The following CHRNB3 variants were observed in gnomAD, a reference collection of about 807,000 sequenced individuals.
The protein encoded by CHRNB3 is neuronal acetylcholine receptor subunit beta-3.
In CHRNB3, 37 loss-of-function variants were observed where a neutral mutation model predicts 40.6. That is an observed-to-expected ratio of 0.91 (90% CI 0.70 to 1.20). The LOEUF (loss-of-function observed/expected upper bound fraction) is 1.20. Ranked by LOEUF, CHRNB3 falls within the 50% of genes most tolerant of loss-of-function variation. The pLI, the probability that CHRNB3 is intolerant of heterozygous loss-of-function variation, is 0.00. For missense variants in CHRNB3, 505 were observed against 551.2 expected (o/e 0.92, Z 0.84); for synonymous variants, 207 against 207.1 (o/e 1.00, Z 0.00).
chr8:42,711,606 GCTGGCCTCAAACTC>G (rs1430859632), intron 3 of CHRNB3, among the ~76,000 whole-genome samples: 4 of 151,930 alleles, frequency 2.6e-5, no homozygotes, highest in Non-Finnish European at 5.9e-5. Context: ...TGTTGGCCAG[GCTGGCCTCAAACTC>G]CTGGCCTCAA....
intron 1 of CHRNB3, chr8:42,704,430 T>G (rs966095208): frequency 6.6e-6 from 1 of 152,234 alleles, no homozygotes; most frequent in Admixed American, 6.5e-5. Flanking sequence ...TTGCTGCCCC[T>G]GGATCTTGGT....
chr8:42,726,299 G>A, intron 3 of CHRNB3: 2 of 579,568 alleles, frequency 3.5e-6, no homozygotes, highest in Non-Finnish European at 3.0e-6. Flanking sequence ...ATTCAGATTG[G>A]AAAGGAAGAA....
At chr8:42,703,500 T>G (rs6991791) in intron 1 of CHRNB3, among the ~76,000 whole-genome samples, 151 of 141,528 alleles carry the variant, frequency 1.1e-3, no homozygotes, top group African/African-American at 3.5e-3. Flanking sequence ...TGAGAAAAAA[T>G]TCTTGGTTTT....
Position 42,717,267 on chromosome 8 carries a change from G to C in CHRNB3, c.249+6833G>C, listed in dbSNP as rs1017189048. Among the ~76,000 whole-genome samples the C allele has an allele frequency of 1.4e-4, 19 of 136,826 alleles. No individual in the cohort carries two copies. The South Asian group carries it at 4.6e-3, about 33-fold the overall frequency. The allele number at this position is 136,826 out of a possible 152,430, so 89.8% of individuals were successfully genotyped here. A position where few individuals can be genotyped will look rare whatever the true frequency, so the allele number is the denominator to read the frequency against. ...CGGGCGCCTGTAGTCCCAGCTACTTGGGAGGCTGAGGCAGGAGAATGGCGT... is the reference window on the plus strand; with the variant it reads ...CGGGCGCCTGTAGTCCCAGCTACTTCGGAGGCTGAGGCAGGAGAATGGCGT... On this transcript the variant is annotated intron_variant, in intron 3 of 5. Coordinates refer to ENST00000289957, the MANE Select transcript of CHRNB3 (RefSeq NM_000749.5).
Position 42,731,683 on chromosome 8 carries a change from G to T in CHRNB3, c.376G>T (p.Glu126Ter). The change falls in exon 5 of 6, where the codon GAA becomes TAA. Residue 126 changes from glutamate (E) to a stop codon, truncating the protein, a stop_gained. Coordinates refer to ENST00000289957, the MANE Select transcript of CHRNB3 (RefSeq NM_000749.5). LOFTEE classifies it high-confidence loss of function. ...TGATTGCAGTGCTGACGGCCGCTTC[G>T]AAGGCTCCCTGATGACCAAGGTCAT... The part of the protein sequence containing the change: ...VLFENADGRF[E>*]GSLMTKVIVK... 2 of 1,608,452 alleles carry T rather than the reference G, an allele frequency of 1.2e-6. No individual in the cohort carries two copies. The highest frequency in any genetic ancestry group is 1.7e-6 in the Non-Finnish European group (2 of 1,176,924).
intron 3 of CHRNB3, among the ~76,000 whole-genome samples, chr8:42,719,501 G>T (rs1816181330): frequency 6.6e-6 from 1 of 152,142 alleles, no homozygotes; most frequent in Admixed American, 6.5e-5. Context: ...AGAAAAATTA[G>T]CCAGGCATGG....
intron 5 of CHRNB3, among the ~76,000 whole-genome samples, chr8:42,734,259 C>CAAAAAAAAAA (rs769371275): frequency 4.2e-5 from 1 of 23,968 alleles, no homozygotes; most frequent in Non-Finnish European, 8.7e-5. Context: ...GACTCCATCT[C>CAAAAAAAAAA]AAAAAAAAAA....
chr8:42,728,837 A>G (rs927871352), intron 3 of CHRNB3, among the ~76,000 whole-genome samples: 7 of 152,162 alleles, frequency 4.6e-5, no homozygotes, highest in Non-Finnish European at 1.0e-4. Context: ...TATTGTAAGT[A>G]AATTTTTACG....
Position 42,703,811 on chromosome 8 carries a change from T to C in CHRNB3, c.53-4906T>C, listed in dbSNP as rs1361988385. ...TTATGGAGGCCCTGGTCTCAAAGGA[T>C]CAACTGTGAGAAGCACTTGGCCTTT... On this transcript the variant is annotated intron_variant, in intron 1 of 5. Coordinates refer to ENST00000289957, the MANE Select transcript of CHRNB3 (RefSeq NM_000749.5). Among the ~76,000 whole-genome samples, 3 of 152,130 alleles carry C rather than the reference T, an allele frequency of 2.0e-5. No individual in the cohort carries two copies. In the East Asian group the frequency reaches 5.8e-4, roughly 29 times the overall value.
intron 1 of CHRNB3, among the ~76,000 whole-genome samples, chr8:42,701,528 C>G (rs1377628566): frequency 2.6e-5 from 4 of 152,100 alleles, no homozygotes; most frequent in Admixed American, 1.3e-4. Context: ...GGCAACAGAG[C>G]AAGGCCCTGT....
chr8:42,698,626 A>G (rs1815720419), intron 1 of CHRNB3, among the ~76,000 whole-genome samples: 1 of 152,214 alleles, frequency 6.6e-6, no homozygotes, highest in Non-Finnish European at 1.5e-5. Flanking sequence ...GAATTTCTAA[A>G]TGCAGAAAGC....
Position 42,732,043 on chromosome 8 carries a change from G to C in CHRNB3, c.736G>C (p.Gly246Arg). ...CCTCTTTCTCATCATCCCCTGCCTG[G>C]GGCTGTCTTTCCTAACAGTTCTTGT... ...YTLFLIIPCL[G>R]LSFLTVLVFY... The change falls in exon 5 of 6, where the codon GGG (glycine) becomes CGG (arginine). Residue 246 changes from glycine (G) to arginine (R), a missense_variant. Physicochemically the swap from Gly to Arg is moderately radical, Grantham distance 125. Transcript: ENST00000289957. 1 of 1,613,982 alleles carries C rather than the reference G, an allele frequency of 6.2e-7. No homozygotes were observed. The highest frequency in any genetic ancestry group is 1.1e-5 in the South Asian group (1 of 91,062).
Position 42,718,423 on chromosome 8 carries a change from C to T in CHRNB3, c.249+7989C>T, listed in dbSNP as rs552017557. Among the ~76,000 whole-genome samples the T allele has an allele frequency of 8.6e-4, 131 of 151,940 alleles. 1 individual carries two copies. Among genetic ancestry groups the T allele is most frequent in the African/African-American group, 2.7e-3 (113 of 41,332 alleles). ...GCATGGTGGCTCACACCTGTAATCC[C>T]AGCACTTTGGGAGGCTGAGGCAGGC... On this transcript the variant is annotated intron_variant, in intron 3 of 5. Coordinates refer to ENST00000289957, the MANE Select transcript of CHRNB3 (RefSeq NM_000749.5).
At position 42,730,693 on chromosome 8, in the gene CHRNB3, CTCT is replaced by C. The variant is rs1816394776; in HGVS notation, c.351_353del (p.Phe118del). 6.3e-7 allele frequency: 1 copy of C among 1,587,564 alleles called. No homozygotes were observed. Among genetic ancestry groups the C allele is most frequent in the East Asian group, 2.2e-5 (1 of 44,630 alleles). On this transcript the variant is annotated inframe_deletion, in exon 4 of 6. Coordinates refer to ENST00000289957, the MANE Select transcript of CHRNB3 (RefSeq NM_000749.5). ...ATCTCTGTGGCTTCCTGACATAGTT[CTCT>C]TTGAAAAGTAAGTATCACATTGTTT...
At chr8:42,719,266 T>A (rs530296087) in intron 3 of CHRNB3, among the ~76,000 whole-genome samples, 2 of 152,256 alleles carry the variant, frequency 1.3e-5, no homozygotes, top group Admixed American at 1.3e-4. Flanking sequence ...CACTTGCAAA[T>A]GTCCTGTGGC....
chr8:42,701,074 A>G (rs928361289), intron 1 of CHRNB3, among the ~76,000 whole-genome samples: 25 of 151,970 alleles, frequency 1.6e-4, no homozygotes, highest in Non-Finnish European at 3.2e-4. Flanking sequence ...CTAAAAACAC[A>G]AAAATTAGCT....
Position 42,736,831 on chromosome 8 carries a change from G to T in CHRNB3, c.*213G>T, listed in dbSNP as rs6987295. The T allele has an allele frequency of 7.8e-4, 477 of 607,650 alleles. 3 individuals are homozygous for T. In the African/African-American group the frequency reaches 8.1e-3, roughly 10 times the overall value. 37.6% of individuals were successfully genotyped at this position (607,650 alleles called of 1,614,324 possible). A position where few individuals can be genotyped will look rare whatever the true frequency, so the allele number is the denominator to read the frequency against. On this transcript the variant is annotated 3_prime_UTR_variant, in exon 6 of 6. Transcript: ENST00000289957. ...TTTTAAAGAAAGTGGAGCCTCCTCA[G>T]ACCCCTGCCTTGGCTTTCCCAGACA...
intron 3 of CHRNB3, among the ~76,000 whole-genome samples, chr8:42,729,129 C>T (rs1270977912): frequency 2.0e-5 from 3 of 152,004 alleles, no homozygotes; most frequent in Non-Finnish European, 4.4e-5. Context: ...TGCCATTGGC[C>T]GGGCACGGTG....
intron 1 of CHRNB3, chr8:42,705,523 C>T (rs1159769956): frequency 1.3e-5 from 2 of 152,334 alleles, no homozygotes; most frequent in Non-Finnish European, 2.9e-5. Flanking sequence ...CTTTGCCCTT[C>T]CATCATGTTT....
Sources: allele counts gnomAD v4.1 joint callset (sites outside exome capture counted in the v4.1 genomes callset), GRCh38; gene constraint gnomAD v4.1.1; transcripts MANE v1.5; gene names NCBI Gene and HGNC (gene_info 2026-07-23, HGNC 2026-07-21).